The following SUMO2 variants were observed in gnomAD, a reference collection of about 807,000 sequenced individuals.
The protein encoded by SUMO2 is small ubiquitin-related modifier 2.
SUMO2 carries 1 observed loss-of-function variant against 16.0 expected under a neutral mutation model. The observed-to-expected ratio is 0.06, with a 90% CI of 0.02 to 0.30. SUMO2 has a LOEUF of 0.30. SUMO2 is among the 10% of genes least tolerant of loss of function. The probability of loss-of-function intolerance (pLI) is 1.00; values close to 1 mark genes in which losing one functional copy is unlikely to be tolerated. For missense variants in SUMO2, 16 were observed against 117.5 expected, an observed-to-expected ratio of 0.14 and a Z score of 3.99; for synonymous variants, 36 against 40.6, an observed-to-expected ratio of 0.89 and a Z score of 0.43.
At chr17:75,175,339 G>A (rs1233232214) in intron 2 of SUMO2, among the ~76,000 whole-genome samples, 1 of 145,858 alleles carries the variant, frequency 6.9e-6, no homozygotes, top group African/African-American at 2.5e-5. Context: ...TTTTTTTTTT[G>A]AGACAGAGTC....
intron 2 of SUMO2, among the ~76,000 whole-genome samples, chr17:75,179,118 C>T (rs944392607): frequency 2.6e-5 from 4 of 152,136 alleles, no homozygotes; most frequent in Non-Finnish European, 4.4e-5. Context: ...TTTTAAAATT[C>T]CCCTGTATCC....
At chr17:75,180,706 A>G (rs2074822437) in intron 2 of SUMO2, among the ~76,000 whole-genome samples, 1 of 152,088 alleles carries the variant, frequency 6.6e-6, no homozygotes, top group Non-Finnish European at 1.5e-5. Flanking sequence ...ATGAAACTCC[A>G]TCTCAAAAAA....
chr17:75,182,801 G>A lies in SUMO2; in HGVS notation c.21+13C>T. ...ACCGCGCGGCGAGGCGAAGGGGCCG[G>A]CGGCGAGCTCACCTTGGGCTTTTCG... On this transcript the variant is annotated intron_variant, in intron 1 of 3. Transcript: ENST00000420826. 5 of 1,381,624 alleles carry A rather than the reference G, an allele frequency of 3.6e-6. No homozygotes were observed. The highest frequency in any genetic ancestry group is 3.8e-6 in the Non-Finnish European group (4 of 1,059,958). 85.6% of individuals were successfully genotyped at this position (1,381,624 alleles called of 1,614,324 possible). A position where few individuals can be genotyped will look rare whatever the true frequency, so the allele number is the denominator to read the frequency against.
In SUMO2 at chr17:75,174,739, G is replaced by A; in HGVS notation, c.225+13C>T. 1.2e-6 allele frequency: 2 copies of A among 1,609,462 alleles called. No homozygotes were observed. The highest frequency in any genetic ancestry group is 1.7e-6 in the Non-Finnish European group (2 of 1,178,486). On this transcript the variant is annotated intron_variant, in intron 3 of 3. Transcript: ENST00000420826. ...CAAATGGTAATTTTTCTAATTAGGA[G>A]AGATTTTTTTACCTGTGCAGGTGTG...
Position 75,171,024 on chromosome 17 carries a change from C to CTG in SUMO2, c.226-2624_226-2623insCA, listed in dbSNP as rs201108743. Among the ~76,000 whole-genome samples, 875 of 151,408 alleles carry CTG rather than the reference C, an allele frequency of 5.8e-3. 7 individuals are homozygous for CTG. Among genetic ancestry groups the CTG allele is most frequent in the African/African-American group, 0.02 (844 of 41,212 alleles). The stretch of plus-strand genomic sequence containing the variant: ...TTTTAAAACTAAGCAGCAGCCAACT[C>CTG]GGTGCACTGACTATATAAGTTAGCC... On this transcript the variant is annotated intron_variant, in intron 3 of 3. Coordinates refer to ENST00000420826, the MANE Select transcript of SUMO2 (RefSeq NM_006937.4).
At chr17:75,181,813 G>A (rs1405710095) in intron 1 of SUMO2, among the ~76,000 whole-genome samples, 3 of 152,070 alleles carry the variant, frequency 2.0e-5, no homozygotes, top group African/African-American at 4.8e-5. Flanking sequence ...TTTCGGTTAA[G>A]AGCACTTATT....
At chr17:75,169,726 G>A (rs1466340164) in intron 3 of SUMO2, among the ~76,000 whole-genome samples, 3 of 151,752 alleles carry the variant, frequency 2.0e-5, no homozygotes, top group East Asian at 1.9e-4. Flanking sequence ...GCATGTGCCC[G>A]TAATCCCAGC....
chr17:75,178,237 A>T (rs2074799166), intron 2 of SUMO2, among the ~76,000 whole-genome samples: 1 of 151,708 alleles, frequency 6.6e-6, no homozygotes, highest in Admixed American at 6.6e-5. Context: ...GTTCAAGGCC[A>T]GGCACCAGTG....
intron 2 of SUMO2, among the ~76,000 whole-genome samples, chr17:75,175,060 C>A (rs984695709): frequency 3.3e-5 from 5 of 152,096 alleles, no homozygotes; most frequent in African/African-American, 1.2e-4. Flanking sequence ...CAGCTCAAGG[C>A]AACCTACACC....
chr17:75,178,509 CAAAAAA>C (rs545816366), intron 2 of SUMO2, among the ~76,000 whole-genome samples: 3 of 74,856 alleles, frequency 4.0e-5, no homozygotes, highest in Non-Finnish European at 5.1e-5. Flanking sequence ...GCGAGACTCT[CAAAAAA>C]AAAAAAAAAA....
intron 2 of SUMO2, among the ~76,000 whole-genome samples, chr17:75,177,988 CAAAAAAAAA>C (rs59613076): frequency 0.012 from 771 of 66,442 alleles, 11 homozygotes; most frequent in African/African-American, 0.049. Flanking sequence ...GACTCCGTCT[CAAAAAAAAA>C]AAAAAAAAAA....
intron 2 of SUMO2, among the ~76,000 whole-genome samples, chr17:75,178,439 AG>A (rs1264686445): frequency 1.4e-5 from 2 of 147,130 alleles, no homozygotes; most frequent in Non-Finnish European, 3.0e-5. Flanking sequence ...GCTTGAACCC[AG>A]GAGGCAGAGG....
intron 3 of SUMO2, among the ~76,000 whole-genome samples, chr17:75,170,900 T>C (rs1457159654): frequency 1.3e-5 from 2 of 148,544 alleles, no homozygotes; most frequent in Non-Finnish European, 3.0e-5. Context: ...TATGCTCAGA[T>C]ATTAAATACC....
At chr17:75,179,001 A>G (rs1352302666) in intron 2 of SUMO2, among the ~76,000 whole-genome samples, 1 of 152,152 alleles carries the variant, frequency 6.6e-6, no homozygotes, top group Non-Finnish European at 1.5e-5. Flanking sequence ...TGTTGTCCAG[A>G]CTGGTCTTCC....
chr17:75,180,582 G>A (rs1388444514), intron 2 of SUMO2, among the ~76,000 whole-genome samples: 1 of 151,662 alleles, frequency 6.6e-6, no homozygotes, highest in Non-Finnish European at 1.5e-5. Flanking sequence ...GCCAGGCCTG[G>A]TAGTGGGCAC....
intron 2 of SUMO2, among the ~76,000 whole-genome samples, chr17:75,179,822 C>G (rs1288903466): frequency 6.6e-6 from 1 of 151,964 alleles, no homozygotes; most frequent in Non-Finnish European, 1.5e-5. Context: ...CCACGCCCAG[C>G]TAATTTTTTT....
At chr17:75,168,431 G>A in intron 3 of SUMO2, 30 bp from the exon 4 acceptor site, 1 of 1,575,926 alleles carries the variant, frequency 6.3e-7, no homozygotes, top group Non-Finnish European at 8.6e-7. Flanking sequence ...AAATGTAAAA[G>A]CACTGATTAA....
intron 3 of SUMO2, among the ~76,000 whole-genome samples, chr17:75,174,472 C>T (rs1194547867): frequency 6.6e-6 from 1 of 152,168 alleles, no homozygotes; most frequent in East Asian, 1.9e-4. Flanking sequence ...GCCAAGGCTG[C>T]AGTGAGCTAT....
intron 3 of SUMO2, among the ~76,000 whole-genome samples, chr17:75,172,311 C>T (rs2145218548): frequency 7.0e-6 from 1 of 142,002 alleles, no homozygotes; most frequent in Admixed American, 7.7e-5. Context: ...CAGTCGTGAG[C>T]TACTGTACCC....
Sources: allele counts gnomAD v4.1 joint callset (sites outside exome capture counted in the v4.1 genomes callset), GRCh38; gene constraint gnomAD v4.1.1; transcripts MANE v1.5; gene names NCBI Gene and HGNC (gene_info 2026-07-23, HGNC 2026-07-21).